PTPRN2: variants seen among roughly 807,000 people sequenced by gnomAD.
PTPRN2 encodes protein tyrosine phosphatase receptor type N2, also known as receptor-type tyrosine-protein phosphatase N2.
In PTPRN2, 74 loss-of-function variants were observed where a neutral mutation model predicts 118.8. The observed-to-expected ratio is 0.62, with a 90% CI of 0.52 to 0.76. The LOEUF (loss-of-function observed/expected upper bound fraction) is 0.76, where lower values mean the gene tolerates loss of function less well. PTPRN2 is among the 30% of genes least tolerant of loss of function. The probability of loss-of-function intolerance (pLI) is 0.00; values close to 1 mark genes in which losing one functional copy is unlikely to be tolerated. For missense variants in PTPRN2, 1,481 were observed against 1,394.4 expected, an observed-to-expected ratio of 1.06 and a Z score of -0.99; for synonymous variants, 641 against 608.0, an observed-to-expected ratio of 1.05 and a Z score of -0.80.
Position 157,861,497 on chromosome 7 carries a change from A to G in PTPRN2, c.1788+37176T>C, listed in dbSNP as rs1221775176. Among the ~76,000 whole-genome samples, 1 of 152,174 alleles carries G rather than the reference A, an allele frequency of 6.6e-6. No homozygotes were observed. Among genetic ancestry groups the G allele is most frequent in the Non-Finnish European group, 1.5e-5 (1 of 68,040 alleles). On this transcript the variant is annotated intron_variant, in intron 12 of 22. Coordinates refer to ENST00000389418, the MANE Select transcript of PTPRN2 (RefSeq NM_002847.5). This position sits in a 1 kb window ranked among gnomAD's most constrained non-coding sequence, Gnocchi z 5.8. ...CTGGCCCGCCCTCCCTGAGTCTTGC[A>G]GGGCCCAGCCGCTGTGCCTCTGTGT...
intron 3 of PTPRN2, among the ~76,000 whole-genome samples, chr7:158,278,411 G>A (rs1328957949): frequency 5.3e-5 from 8 of 150,394 alleles, no homozygotes; most frequent in Admixed American, 4.6e-4. Flanking sequence ...TACGCGGGAG[G>A]CTGCGGGTGA....
At chr7:158,514,192 G>T (rs565660643) in intron 1 of PTPRN2, among the ~76,000 whole-genome samples, 1 of 152,302 alleles carries the variant, frequency 6.6e-6, no homozygotes, top group East Asian at 1.9e-4. Flanking sequence ...TGCTGAGGAT[G>T]GTCTTACCTC....
chr7:158,316,954 A>C, intron 2 of PTPRN2, 22 bp from the exon 3 acceptor site: 1 of 1,539,768 alleles, frequency 6.5e-7, no homozygotes, highest in Non-Finnish European at 8.9e-7. Context: ...GAAGGAGATA[A>C]GACAGAACGA....
At chr7:157,858,081 CGTCACCA>C (rs1809878613) in intron 12 of PTPRN2, among the ~76,000 whole-genome samples, 5 of 116,818 alleles carry the variant, frequency 4.3e-5, no homozygotes, top group Non-Finnish European at 5.5e-5. Context: ...GGGAGAACCC[CGTCACCA>C]CCCACACTCC....
intron 1 of PTPRN2, among the ~76,000 whole-genome samples, chr7:158,561,738 C>A (rs1381858951): frequency 6.6e-6 from 1 of 152,166 alleles, no homozygotes; most frequent in African/African-American, 2.4e-5. Context: ...TGTGCACAGT[C>A]CCTGTGCAAG....
chr7:158,012,297 A>G (rs1806104714), intron 11 of PTPRN2, among the ~76,000 whole-genome samples: 1 of 151,624 alleles, frequency 6.6e-6, no homozygotes, highest in African/African-American at 2.4e-5. Flanking sequence ...TGATACATAG[A>G]TGACACGACG....
intron 11 of PTPRN2, among the ~76,000 whole-genome samples, chr7:158,047,272 A>G (rs372090510): frequency 1.3e-5 from 2 of 152,262 alleles, no homozygotes; most frequent in African/African-American, 4.8e-5. Flanking sequence ...CCCATGGGCC[A>G]TGCAGAACAG....
chr7:158,447,545 C>T (rs1444635643), intron 2 of PTPRN2, among the ~76,000 whole-genome samples: 5 of 152,298 alleles, frequency 3.3e-5, no homozygotes, highest in African/African-American at 4.8e-5. Context: ...ATGCTGCCCA[C>T]GCGGCCCGAT....
rs1178372921 is a variant in PTPRN2 at position 158,376,256 on chromosome 7, G to T, written c.164-59324C>A. Among the ~76,000 whole-genome samples, 831 of 151,818 alleles carry T rather than the reference G, an allele frequency of 5.5e-3. 9 individuals are homozygous for T. The highest frequency in any genetic ancestry group is 0.019 in the African/African-American group (791 of 41,090). The stretch of plus-strand genomic sequence containing the variant: ...CACCCGTCACACGTCCTGCATGCAG[G>T]GTCAGGGGACTCCCCCACAGCCCTG... On this transcript the variant is annotated intron_variant, in intron 2 of 22. Coordinates refer to ENST00000389418, the MANE Select transcript of PTPRN2 (RefSeq NM_002847.5).
At position 157,560,717 on chromosome 7, in the gene PTPRN2, C is replaced by A. The variant is rs1799146236; in HGVS notation, c.2902+8185G>T. Among the ~76,000 whole-genome samples, 1 of 152,206 alleles carries A rather than the reference C, an allele frequency of 6.6e-6. No homozygotes were observed. Among genetic ancestry groups the A allele is most frequent in the Non-Finnish European group, 1.5e-5 (1 of 68,034 alleles). On this transcript the variant is annotated intron_variant, in intron 21 of 22. Transcript: ENST00000389418. This position sits in a 1 kb window ranked among gnomAD's most constrained non-coding sequence, Gnocchi z 6.7. Reference sequence around the variant, plus strand: ...GTGCAGACAGGCTCCCTCTCCCCTTCCCTCCTCCCACCTCACCCAATTCTG... The same window carrying A: ...GTGCAGACAGGCTCCCTCTCCCCTTACCTCCTCCCACCTCACCCAATTCTG...
intron 12 of PTPRN2, among the ~76,000 whole-genome samples, chr7:157,769,087 G>A (rs919691402): frequency 6.6e-5 from 10 of 152,162 alleles, no homozygotes; most frequent in African/African-American, 1.9e-4. Flanking sequence ...ACAGCGAACG[G>A]GAGGAGCGTT....
Position 158,146,229 on chromosome 7 carries a change from A to T in PTPRN2, c.911-7714T>A, listed in dbSNP as rs78205601. ...CACCTTCCAACTTGCTCAAGATCTA[A>T]TTCAAGATTATGCATTTTGAAACTA... is the stretch of plus-strand genomic sequence containing the variant. On this transcript the variant is annotated intron_variant, in intron 6 of 22. Transcript: ENST00000389418. Among the ~76,000 whole-genome samples the T allele has an allele frequency of 4.3e-3, 660 of 152,238 alleles. 6 individuals carry two copies. The highest frequency in any genetic ancestry group is 0.015 in the African/African-American group (628 of 41,516).
chr7:158,344,810 C>T (rs62493653), intron 2 of PTPRN2, among the ~76,000 whole-genome samples: 14,716 of 152,176 alleles, frequency 0.097, 1,027 homozygotes, highest in Non-Finnish European at 0.15. Flanking sequence ...CCCAGGGGAC[C>T]CTGGCACTCC....
intron 10 of PTPRN2, among the ~76,000 whole-genome samples, chr7:158,092,880 C>A (rs913449050): frequency 2.6e-5 from 4 of 152,150 alleles, no homozygotes; most frequent in Non-Finnish European, 5.9e-5. Context: ...TAGGTGGGCG[C>A]AAACCAAGAG....
At position 157,974,706 on chromosome 7, in the gene PTPRN2, A is replaced by G. The variant is rs1802605051; in HGVS notation, c.1724-75969T>C. On this transcript the variant is annotated intron_variant, in intron 11 of 22. Transcript: ENST00000389418. The surrounding 1 kb of genome is among the most constrained non-coding windows in gnomAD (Gnocchi z 4.0). Reference sequence around the variant, plus strand: ...GGGGTGGGCAGGGCTCCATGGGAAGACACAGGTAGCGGGTCAGGTGCTGGG... The same window carrying G: ...GGGGTGGGCAGGGCTCCATGGGAAGGCACAGGTAGCGGGTCAGGTGCTGGG... Among the ~76,000 whole-genome samples, 1 of 151,660 alleles carries G rather than the reference A, an allele frequency of 6.6e-6. No individual in the cohort carries two copies. Among genetic ancestry groups the G allele is most frequent in the Non-Finnish European group, 1.5e-5 (1 of 67,898 alleles).
intron 2 of PTPRN2, among the ~76,000 whole-genome samples, chr7:158,363,212 A>C (rs1027494593): frequency 8.6e-5 from 13 of 152,012 alleles, no homozygotes; most frequent in African/African-American, 2.9e-4. Flanking sequence ...AGGCCAGGAG[A>C]GGCTACGGGA....
intron 12 of PTPRN2, among the ~76,000 whole-genome samples, chr7:157,782,710 C>A (rs975893713): frequency 5.9e-5 from 9 of 152,230 alleles, no homozygotes; most frequent in Non-Finnish European, 1.2e-4. Context: ...GAGATGATCA[C>A]ACAGCATCGC....
chr7:157,963,417 A>G (rs188175561), intron 11 of PTPRN2, among the ~76,000 whole-genome samples: 2 of 152,368 alleles, frequency 1.3e-5, no homozygotes, highest in East Asian at 3.9e-4. Flanking sequence ...TAAAATAACT[A>G]AGAATTGGTT....
intron 9 of PTPRN2, among the ~76,000 whole-genome samples, chr7:158,130,434 G>A (rs766054959): frequency 1.6e-4 from 20 of 127,012 alleles, no homozygotes; most frequent in Non-Finnish European, 3.0e-4. Context: ...ACACACACAC[G>A]TACATACAGA....
Sources: allele counts gnomAD v4.1 joint callset (sites outside exome capture counted in the v4.1 genomes callset), GRCh38; gene constraint gnomAD v4.1.1; non-coding constraint Gnocchi (gnomAD v3.1); transcripts MANE v1.5; gene names NCBI Gene and HGNC (gene_info 2026-07-23, HGNC 2026-07-21).